Variants in ATRNL1 observed in about 807,000 individuals in gnomAD.
ATRNL1 encodes attractin like 1.
In ATRNL1, 95 loss-of-function variants were observed where a neutral mutation model predicts 182.7. That is an observed-to-expected ratio of 0.52 (90% CI 0.44 to 0.62). The LOEUF (loss-of-function observed/expected upper bound fraction) is 0.62, where lower values mean the gene tolerates loss of function less well. Among genes scored for constraint, ATRNL1 ranks in the 20% least tolerant of loss-of-function variants. ATRNL1 has a pLI of 0.00. For missense variants in ATRNL1, 1,471 were observed against 1,679.5 expected (o/e 0.88, Z 2.17); for synonymous variants, 576 against 568.3 (o/e 1.01, Z -0.19).
chr10:115,590,522 A>G (rs561131979), intron 26 of ATRNL1, among the ~76,000 whole-genome samples: 1 of 152,266 alleles, frequency 6.6e-6, no homozygotes, highest in South Asian at 2.1e-4. Context: ...GGAGTAGAGG[A>G]AGGGAAGAGG....
intron 5 of ATRNL1, among the ~76,000 whole-genome samples, chr10:115,152,946 A>G (rs1444148191): frequency 3.3e-5 from 5 of 152,074 alleles, no homozygotes; most frequent in Non-Finnish European, 7.3e-5. Context: ...AATTTTGTCA[A>G]AGGCCTTTTC....
intron 26 of ATRNL1, among the ~76,000 whole-genome samples, chr10:115,714,710 G>T (rs1470595319): frequency 2.0e-5 from 3 of 151,850 alleles, no homozygotes; most frequent in Non-Finnish European, 4.4e-5. Flanking sequence ...AAAGGGTAAT[G>T]AAGCATGTAT....
At chr10:115,370,490 A>G (rs1857336456) in intron 19 of ATRNL1, among the ~76,000 whole-genome samples, 1 of 152,182 alleles carries the variant, frequency 6.6e-6, no homozygotes, top group South Asian at 2.1e-4. Flanking sequence ...GAGATGAGGA[A>G]CTTGTTGGGA....
intron 10 of ATRNL1, among the ~76,000 whole-genome samples, chr10:115,246,906 T>C (rs1254110899): frequency 6.6e-6 from 1 of 152,140 alleles, no homozygotes; most frequent in African/African-American, 2.4e-5. Flanking sequence ...AGAGACTGTA[T>C]TGAATACAAA....
At chr10:115,902,546 G>A (rs1427214122) in intron 28 of ATRNL1, among the ~76,000 whole-genome samples, 1 of 152,152 alleles carries the variant, frequency 6.6e-6, no homozygotes, top group Non-Finnish European at 1.5e-5. Context: ...GCATGGAGAT[G>A]AGTGGAGACC....
intron 8 of ATRNL1, among the ~76,000 whole-genome samples, chr10:115,188,354 C>A (rs1184418687): frequency 6.6e-6 from 1 of 152,050 alleles, no homozygotes; most frequent in African/African-American, 2.4e-5. Context: ...TCAGTTTGTC[C>A]TTTTTTGTTA....
At chr10:115,822,898 A>G (rs868993810) in intron 27 of ATRNL1, among the ~76,000 whole-genome samples, 2 of 152,158 alleles carry the variant, frequency 1.3e-5, no homozygotes, top group South Asian at 4.1e-4. Flanking sequence ...TCCAAACAAC[A>G]GAAAAAGGGG....
At chr10:115,116,046 A>G (rs1272383) in intron 1 of ATRNL1, among the ~76,000 whole-genome samples, 135,970 of 152,098 alleles carry the variant, frequency 0.89, 61,303 homozygotes, top group African/African-American at 0.98. Flanking sequence ...ACTTTTTCTG[A>G]AAAGGGCCAG....
At chr10:115,270,250 A>G (rs904475475) in intron 13 of ATRNL1, among the ~76,000 whole-genome samples, 13 of 146,132 alleles carry the variant, frequency 8.9e-5, no homozygotes, top group Admixed American at 5.5e-4. Context: ...AATAAATAAT[A>G]TATATTTGTT....
chr10:115,217,026 A>C (rs1261318325), intron 9 of ATRNL1, among the ~76,000 whole-genome samples: 1 of 152,128 alleles, frequency 6.6e-6, no homozygotes, highest in Non-Finnish European at 1.5e-5. Context: ...AGCAAGTGGA[A>C]TTGTGGTATA....
chr10:115,744,417 A>G (rs1379517930), intron 27 of ATRNL1, among the ~76,000 whole-genome samples: 1 of 152,012 alleles, frequency 6.6e-6, no homozygotes, highest in Non-Finnish European at 1.5e-5. Context: ...CACCCCTTGA[A>G]TCATCTCTTT....
intron 26 of ATRNL1, among the ~76,000 whole-genome samples, chr10:115,673,423 T>C (rs1391337392): frequency 3.3e-5 from 5 of 152,140 alleles, no homozygotes; most frequent in South Asian, 2.1e-4. Context: ...AGAGCTGGCA[T>C]GTAAGGGTTG....
chr10:115,297,190 T>G (rs530449471), intron 15 of ATRNL1, among the ~76,000 whole-genome samples: 2 of 152,338 alleles, frequency 1.3e-5, no homozygotes, highest in East Asian at 3.9e-4. Flanking sequence ...TGAGGTAGCA[T>G]GTAGGAGAGA....
intron 26 of ATRNL1, among the ~76,000 whole-genome samples, chr10:115,557,748 T>C (rs1853396349): frequency 6.6e-6 from 1 of 152,034 alleles, no homozygotes; most frequent in Non-Finnish European, 1.5e-5. Flanking sequence ...GAAAAAATCT[T>C]TAAAAAACAA....
chr10:115,499,940 C>G (rs1229391765), intron 24 of ATRNL1, among the ~76,000 whole-genome samples: 4 of 152,092 alleles, frequency 2.6e-5, no homozygotes, highest in Non-Finnish European at 4.4e-5. Context: ...AAATAAGTTT[C>G]TGGTCTCAGG....
At chr10:115,621,276 T>TATATATATATATATATATAGAG (rs1268020830) in intron 26 of ATRNL1, among the ~76,000 whole-genome samples, 2 of 47,580 alleles carry the variant, frequency 4.2e-5, no homozygotes, top group African/African-American at 1.5e-4. Context: ...TATATATATA[T>TATATATATATATATATATAGAG]AGAGAGAGAG....
intron 28 of ATRNL1, among the ~76,000 whole-genome samples, chr10:115,908,683 G>A (rs566096222): frequency 6.6e-5 from 10 of 152,166 alleles, no homozygotes; most frequent in Non-Finnish European, 1.5e-4. Flanking sequence ...GCAAAATCTA[G>A]AAGAACAGAT....
chr10:115,627,812 C>A (rs1489802430), intron 26 of ATRNL1, among the ~76,000 whole-genome samples: 1 of 152,114 alleles, frequency 6.6e-6, no homozygotes, highest in Non-Finnish European at 1.5e-5. Flanking sequence ...TTTGGGTATA[C>A]TCCTAGGAGT....
At chr10:115,292,328 T>C (rs1468030132) in intron 15 of ATRNL1, among the ~76,000 whole-genome samples, 1 of 151,950 alleles carries the variant, frequency 6.6e-6, no homozygotes, top group Non-Finnish European at 1.5e-5. Context: ...ATCTTCTGTA[T>C]TATTTTAGTC....
Sources: gnomAD v4.1 joint callset for allele counts (sites outside exome capture counted in the v4.1 genomes callset) on GRCh38, gnomAD v4.1.1 for gene constraint, MANE v1.5 for transcripts, NCBI Gene and HGNC (gene_info 2026-07-23, HGNC 2026-07-21) for gene names.